The following SMYD3 variants were observed in gnomAD, a reference collection of about 807,000 sequenced individuals.
SMYD3 encodes the protein SET and MYND domain containing 3, also known as histone-lysine N-methyltransferase SMYD3.
In SMYD3, 36 loss-of-function variants were observed where a neutral mutation model predicts 57.7. The observed-to-expected ratio is 0.62, with a 90% confidence interval of 0.48 to 0.82. SMYD3 has a LOEUF of 0.82. Among genes scored for constraint, SMYD3 ranks in the 40% least tolerant of loss-of-function variants. The pLI, the probability that SMYD3 is intolerant of heterozygous loss-of-function variation, is 0.00. For missense variants in SMYD3, 515 were observed against 538.8 expected, an observed-to-expected ratio of 0.96 and a Z score of 0.44; for synonymous variants, 211 against 195.0, an observed-to-expected ratio of 1.08 and a Z score of -0.68.
intron 5 of SMYD3, among the ~76,000 whole-genome samples, chr1:246,197,700 C>A (rs2148349671): frequency 6.6e-6 from 1 of 152,172 alleles, no homozygotes; most frequent in Admixed American, 6.5e-5. Flanking sequence ...CCAAGGGAAT[C>A]TGAATAAAGT....
At chr1:246,308,117 C>T (rs147686174) in intron 5 of SMYD3, among the ~76,000 whole-genome samples, 1 of 152,260 alleles carries the variant, frequency 6.6e-6, no homozygotes, top group African/African-American at 2.4e-5. Context: ...ATGTACTGAA[C>T]GTGGAAAGCA....
chr1:245,958,212 A>G (rs2057905952), intron 5 of SMYD3, among the ~76,000 whole-genome samples: 1 of 152,170 alleles, frequency 6.6e-6, no homozygotes, highest in Non-Finnish European at 1.5e-5. Context: ...GGTTTTTCTG[A>G]TCCTCATGTT....
At chr1:246,055,884 T>C (rs2060142924) in intron 5 of SMYD3, among the ~76,000 whole-genome samples, 1 of 152,082 alleles carries the variant, frequency 6.6e-6, no homozygotes, top group Admixed American at 6.6e-5. Flanking sequence ...ATTTAATGGG[T>C]TCAAAGTTTC....
At chr1:245,950,345 C>T (rs984869495) in intron 5 of SMYD3, among the ~76,000 whole-genome samples, 2 of 152,158 alleles carry the variant, frequency 1.3e-5, no homozygotes, top group Non-Finnish European at 2.9e-5. Flanking sequence ...CTTTCTCCCC[C>T]AGTGCAAGAC....
In SMYD3 at chr1:246,342,036, C is replaced by G. The variant is rs935039918; in HGVS notation, c.229-6562G>C. Among the ~76,000 whole-genome samples the G allele has an allele frequency of 8.5e-5, 13 of 152,270 alleles. 1 individual carries two copies. The highest frequency in any genetic ancestry group is 3.3e-4 in the Admixed American group (5 of 15,284). ...TGTAACATCCATTCCTAACAAATAT[C>G]TGAATTATGTCAAAATAGGTTTGAA... On this transcript the variant is annotated intron_variant, in intron 2 of 11. Coordinates refer to ENST00000490107, the MANE Select transcript of SMYD3 (RefSeq NM_001167740.2).
intron 5 of SMYD3, among the ~76,000 whole-genome samples, chr1:246,303,716 T>C (rs757163486): frequency 2.6e-4 from 39 of 152,160 alleles, no homozygotes; most frequent in Non-Finnish European, 4.3e-4. Context: ...GCTTGACACA[T>C]AGGAAGCCCT....
chr1:246,078,111 C>T (rs1463920801), intron 5 of SMYD3, among the ~76,000 whole-genome samples: 4 of 151,972 alleles, frequency 2.6e-5, no homozygotes, highest in Admixed American at 1.3e-4. Context: ...TGTAAAATGT[C>T]AGACAACTTT....
intron 5 of SMYD3, among the ~76,000 whole-genome samples, chr1:246,104,208 G>C (rs1206644019): frequency 1.3e-5 from 2 of 152,186 alleles, no homozygotes; most frequent in African/African-American, 4.8e-5. Context: ...GCTCCAAGAT[G>C]GAGATAAATT....
chr1:246,055,471 T>C (rs1450120710), intron 5 of SMYD3, among the ~76,000 whole-genome samples: 2 of 152,244 alleles, frequency 1.3e-5, no homozygotes, highest in African/African-American at 4.8e-5. Flanking sequence ...TAAAAAATAA[T>C]TACTATATGA....
At chr1:245,954,821 T>A (rs978614157) in intron 5 of SMYD3, among the ~76,000 whole-genome samples, 15 of 152,350 alleles carry the variant, frequency 9.8e-5, no homozygotes, top group African/African-American at 3.1e-4. Context: ...ATCTCTTACT[T>A]GCAACTTTCC....
At chr1:246,157,767 CT>C (rs760389181) in intron 5 of SMYD3, among the ~76,000 whole-genome samples, 3 of 152,210 alleles carry the variant, frequency 2.0e-5, no homozygotes, top group East Asian at 1.9e-4. Context: ...CGTTGAGAAT[CT>C]GCAAACCAGA....
chr1:246,247,876 A>C (rs879745616), intron 5 of SMYD3, among the ~76,000 whole-genome samples: 4 of 152,202 alleles, frequency 2.6e-5, no homozygotes, highest in Non-Finnish European at 5.9e-5. Context: ...AACCTGGATA[A>C]GTACTGCCTG....
chr1:246,225,342 A>G lies in SMYD3; in HGVS notation c.531+101859T>C, dbSNP rs1259184374. On this transcript the variant is annotated intron_variant, in intron 5 of 11. Transcript: ENST00000490107. The stretch of plus-strand genomic sequence containing the variant: ...AAGTCAAAAAAAAAAAAAAAAAAAA[A>G]AAAAAAAAAAAAAAACAGAAAAGAC... Among the ~76,000 whole-genome samples, 37 of 135,446 alleles carry G rather than the reference A, an allele frequency of 2.7e-4. 1 individual carries two copies. The highest frequency in any genetic ancestry group is 9.8e-4 in the South Asian group (4 of 4,070). The allele number at this position is 135,446 out of a possible 152,430, so 88.9% of individuals were successfully genotyped here.
At chr1:246,220,226 C>T (rs2063231271) in intron 5 of SMYD3, among the ~76,000 whole-genome samples, 1 of 151,994 alleles carries the variant, frequency 6.6e-6, no homozygotes, top group Non-Finnish European at 1.5e-5. Context: ...TCCAGACGAC[C>T]CACTGCTACC....
At chr1:246,242,067 GT>G (rs547320245) in intron 5 of SMYD3, among the ~76,000 whole-genome samples, 1 of 151,540 alleles carries the variant, frequency 6.6e-6, no homozygotes, top group Non-Finnish European at 1.5e-5. Flanking sequence ...TTTTTGAAGG[GT>G]TTTTTTTGTG....
chr1:246,210,531 G>A (rs555871407), intron 5 of SMYD3, among the ~76,000 whole-genome samples: 10 of 152,036 alleles, frequency 6.6e-5, no homozygotes, highest in South Asian at 4.2e-4. Context: ...CCAACATGGC[G>A]AAACCCCGTC....
intron 5 of SMYD3, among the ~76,000 whole-genome samples, chr1:245,954,644 G>A (rs1380961852): frequency 6.7e-6 from 1 of 148,398 alleles, no homozygotes; most frequent in Non-Finnish European, 1.5e-5. Context: ...CACCACTGCA[G>A]CCACTGTCCA....
chr1:246,172,586 C>A (rs1449280974), intron 5 of SMYD3, among the ~76,000 whole-genome samples: 1 of 147,860 alleles, frequency 6.8e-6, no homozygotes, highest in African/African-American at 2.5e-5. Context: ...TCACTGTACT[C>A]TACTGTAGAC....
chr1:245,806,918 A>G (rs2048202706), intron 10 of SMYD3, among the ~76,000 whole-genome samples: 1 of 74,856 alleles, frequency 1.3e-5, no homozygotes, highest in African/African-American at 5.9e-5. Flanking sequence ...CTCCGTCTCA[A>G]AAAAAAAAAA....
Sources: gnomAD v4.1 joint callset for allele counts (sites outside exome capture counted in the v4.1 genomes callset) on GRCh38, gnomAD v4.1.1 for gene constraint, MANE v1.5 for transcripts, NCBI Gene and HGNC (gene_info 2026-07-23, HGNC 2026-07-21) for gene names.